The following LSAMP variants were observed in gnomAD, a reference collection of about 807,000 sequenced individuals.
LSAMP encodes limbic system associated membrane protein, also known as limbic system-associated membrane protein.
LSAMP carries 7 observed loss-of-function variants against 38.6 expected under a neutral mutation model. The observed-to-expected ratio is 0.18, with a 90% CI of 0.10 to 0.34. The LOEUF is 0.34. Among genes scored for constraint, LSAMP ranks in the 10% least tolerant of loss-of-function variants. The probability of loss-of-function intolerance (pLI) is 1.00; values close to 1 mark genes in which losing one functional copy is unlikely to be tolerated. For synonymous variants in LSAMP, 154 were observed against 166.8 expected (o/e 0.92, Z 0.59); for missense variants, 313 against 420.0 (o/e 0.75, Z 2.23).
intron 3 of LSAMP, among the ~76,000 whole-genome samples, chr3:115,881,247 A>G (rs952640073): frequency 1.1e-4 from 16 of 152,070 alleles, no homozygotes; most frequent in African/African-American, 3.9e-4. Context: ...TGTTATGCAC[A>G]TAACCATTGC....
chr3:116,289,414 A>AT (rs902837149), intron 1 of LSAMP, among the ~76,000 whole-genome samples: 26 of 151,814 alleles, frequency 1.7e-4, no homozygotes, highest in Admixed American at 3.3e-4. Flanking sequence ...CTTAGAACAA[A>AT]TTTTTTTTTC....
intron 3 of LSAMP, among the ~76,000 whole-genome samples, chr3:115,930,002 GTTTTTTTT>G (rs1170325465): frequency 3.7e-5 from 3 of 80,294 alleles, no homozygotes; most frequent in African/African-American, 9.5e-5. Flanking sequence ...TTTAGCAGAA[GTTTTTTTT>G]TTTTTTTTTT....
intron 4 of LSAMP, among the ~76,000 whole-genome samples, 156 bp from the exon 5 acceptor site, chr3:115,842,734 G>A (rs1007177348): frequency 1.3e-5 from 2 of 152,016 alleles, no homozygotes; most frequent in African/African-American, 4.8e-5. Flanking sequence ...AGCTCAATGG[G>A]GTTGATCACC....
intron 1 of LSAMP, among the ~76,000 whole-genome samples, chr3:116,311,249 T>A (rs962856696): frequency 1.3e-5 from 2 of 152,198 alleles, no homozygotes; most frequent in African/African-American, 4.8e-5. Context: ...TTTTCTTATA[T>A]TTACTTTCAA....
At chr3:116,308,533 C>G (rs563939025) in intron 1 of LSAMP, among the ~76,000 whole-genome samples, 2 of 152,142 alleles carry the variant, frequency 1.3e-5, no homozygotes, top group East Asian at 3.9e-4. Context: ...CCTGTGACTT[C>G]CAAAGGTTCA....
intron 1 of LSAMP, among the ~76,000 whole-genome samples, chr3:116,156,851 C>T (rs1471463287): frequency 2.6e-5 from 4 of 152,134 alleles, no homozygotes; most frequent in East Asian, 3.9e-4. Context: ...AAAAATGTGT[C>T]GTGTGAAAGG....
intron 1 of LSAMP, among the ~76,000 whole-genome samples, chr3:116,107,812 C>A (rs1370233166): frequency 6.6e-6 from 1 of 152,068 alleles, no homozygotes; most frequent in Non-Finnish European, 1.5e-5. Context: ...AGCTGCAGAA[C>A]AGAATAATGG....
chr3:115,946,887 A>C (rs1392418625), intron 3 of LSAMP, among the ~76,000 whole-genome samples: 2 of 152,122 alleles, frequency 1.3e-5, no homozygotes, highest in Non-Finnish European at 2.9e-5. Flanking sequence ...CTAAAATATC[A>C]GCATGTCAAA....
At chr3:116,079,525 C>T (rs1005595032) in intron 2 of LSAMP, among the ~76,000 whole-genome samples, 2 of 151,470 alleles carry the variant, frequency 1.3e-5, no homozygotes, top group Admixed American at 1.3e-4. Flanking sequence ...TGGTGGCGCA[C>T]GCCTGTAGTC....
intron 3 of LSAMP, among the ~76,000 whole-genome samples, chr3:115,991,495 C>A (rs1158652474): frequency 6.6e-6 from 1 of 151,872 alleles, no homozygotes; most frequent in Non-Finnish European, 1.5e-5. Flanking sequence ...AATACCTGAG[C>A]CAGAGTAATA....
chr3:115,840,358 C>G (rs376024703), intron 6 of LSAMP, among the ~76,000 whole-genome samples: 9 of 152,092 alleles, frequency 5.9e-5, no homozygotes, highest in Admixed American at 3.9e-4. Flanking sequence ...CGCACCCCCC[C>G]TCTCCCGCTG....
At chr3:115,931,316 CACTA>C (rs1937577172) in intron 3 of LSAMP, among the ~76,000 whole-genome samples, 2 of 152,198 alleles carry the variant, frequency 1.3e-5, no homozygotes, top group South Asian at 4.1e-4. Flanking sequence ...CAGGATCCCT[CACTA>C]ACGCTTCACT....
chr3:116,296,694 C>CAAAAAAAAAAAAAA (rs10659032), intron 1 of LSAMP, among the ~76,000 whole-genome samples: 1 of 59,698 alleles, frequency 1.7e-5, no homozygotes, highest in African/African-American at 6.6e-5. Context: ...GACTCTGTCT[C>CAAAAAAAAAAAAAA]AAAAAAAAAA....
chr3:116,165,242 C>G (rs932901022), intron 1 of LSAMP, among the ~76,000 whole-genome samples: 1 of 152,204 alleles, frequency 6.6e-6, no homozygotes, highest in African/African-American at 2.4e-5. Flanking sequence ...TTGCTGACCT[C>G]TCCCCAGACA....
At chr3:116,178,006 C>T (rs915379639) in intron 1 of LSAMP, among the ~76,000 whole-genome samples, 2 of 152,032 alleles carry the variant, frequency 1.3e-5, no homozygotes, top group Admixed American at 1.3e-4. Flanking sequence ...GAGCTTAGAG[C>T]TTAAATGATG....
intron 1 of LSAMP, among the ~76,000 whole-genome samples, chr3:116,331,493 A>G (rs9811136): frequency 0.11 from 16,846 of 152,172 alleles, 1,881 homozygotes; most frequent in African/African-American, 0.29. Flanking sequence ...TGAAAGCAAC[A>G]AGAGAAAATG....
intron 3 of LSAMP, among the ~76,000 whole-genome samples, chr3:115,978,367 G>A (rs776722218): frequency 2.6e-4 from 40 of 152,106 alleles, no homozygotes; most frequent in Non-Finnish European, 2.2e-4. Flanking sequence ...CTCATTTACA[G>A]GTAAGGAAAC....
intron 1 of LSAMP, among the ~76,000 whole-genome samples, chr3:116,366,536 ATATATT>A (rs1266368059): frequency 6.6e-6 from 1 of 152,126 alleles, no homozygotes; most frequent in Non-Finnish European, 1.5e-5. Context: ...CTCCCCATAG[ATATATT>A]TACATGAATG....
intron 1 of LSAMP, among the ~76,000 whole-genome samples, chr3:116,290,744 A>AAT (rs1159757447): frequency 1.1e-5 from 1 of 89,408 alleles, no homozygotes; most frequent in East Asian, 2.1e-4. Context: ...AAATAATAAT[A>AAT]ATAATAATAA....
Sources: allele counts gnomAD v4.1 joint callset (sites outside exome capture counted in the v4.1 genomes callset), GRCh38; gene constraint gnomAD v4.1.1; transcripts MANE v1.5; gene names NCBI Gene and HGNC (gene_info 2026-07-23, HGNC 2026-07-21).